RARB: variants seen among roughly 807,000 people sequenced by gnomAD.
The protein encoded by RARB is retinoic acid receptor beta, also known as HBV-activated protein.
In RARB, 17 loss-of-function variants were observed where a neutral mutation model predicts 51.9. That is an observed-to-expected ratio of 0.33 (90% CI 0.22 to 0.49). The LOEUF (loss-of-function observed/expected upper bound fraction) is 0.49. Ranked by LOEUF, RARB falls within the 20% of genes least tolerant of loss-of-function variation. The probability of loss-of-function intolerance (pLI) is 0.99; values close to 1 mark genes in which losing one functional copy is unlikely to be tolerated. For synonymous variants in RARB, 215 were observed against 195.4 expected, an observed-to-expected ratio of 1.10 and a Z score of -0.84; for missense variants, 369 against 550.8, an observed-to-expected ratio of 0.67 and a Z score of 3.30.
At chr3:25,105,868 T>C (rs1254164971) in intron 3 of RARB, among the ~76,000 whole-genome samples, 1 of 152,216 alleles carries the variant, frequency 6.6e-6, no homozygotes, top group Non-Finnish European at 1.5e-5. Flanking sequence ...AATTTTAACA[T>C]CAGAGGAAAA....
chr3:25,161,116 G>T (rs1423377554), intron 4 of RARB, among the ~76,000 whole-genome samples: 1 of 151,836 alleles, frequency 6.6e-6, no homozygotes, highest in Non-Finnish European at 1.5e-5. Flanking sequence ...GGGTTCAAGC[G>T]ATTCTCCTGC....
At chr3:25,027,304 A>G (rs1419675967) in intron 2 of RARB, among the ~76,000 whole-genome samples, 1 of 152,162 alleles carries the variant, frequency 6.6e-6, no homozygotes, top group African/African-American at 2.4e-5. Flanking sequence ...AGGAAGAGTG[A>G]GTCCTGGGGT....
chr3:25,201,208 C>G (rs997922905), intron 5 of RARB, among the ~76,000 whole-genome samples: 1 of 152,040 alleles, frequency 6.6e-6, no homozygotes, highest in Admixed American at 6.6e-5. Context: ...AATGGGAGTT[C>G]ACTCGTGATT....
At chr3:24,987,218 C>T (rs1458449595) in intron 2 of RARB, among the ~76,000 whole-genome samples, 1 of 149,670 alleles carries the variant, frequency 6.7e-6, no homozygotes, top group Non-Finnish European at 1.5e-5. Flanking sequence ...TTTCTTTGGG[C>T]TTCAATCTGT....
At chr3:25,260,854 C>A (rs1300849814) in intron 5 of RARB, among the ~76,000 whole-genome samples, 2 of 152,056 alleles carry the variant, frequency 1.3e-5, no homozygotes, top group Non-Finnish European at 2.9e-5. Context: ...AGTATGGTGG[C>A]AGAACGTACT....
At chr3:25,411,825 A>G (rs182328673) in intron 5 of RARB, among the ~76,000 whole-genome samples, 14 of 152,274 alleles carry the variant, frequency 9.2e-5, no homozygotes, top group Admixed American at 3.3e-4. Context: ...GTCCCAGACT[A>G]CCCAACTTCC....
upstream of RARB, among the ~76,000 whole-genome samples, chr3:25,425,320 T>C (rs917745262): frequency 2.0e-5 from 3 of 152,226 alleles, no homozygotes; most frequent in Admixed American, 1.3e-4. Context: ...TCCTTCATTT[T>C]ACTTAAAATG....
At chr3:25,424,328 C>T (rs1193357661), upstream of RARB, among the ~76,000 whole-genome samples, 1 of 152,164 alleles carries the variant, frequency 6.6e-6, no homozygotes, top group Non-Finnish European at 1.5e-5. Flanking sequence ...TGAAGGGCCA[C>T]AAGCAAAGTT....
At chr3:25,070,642 A>G (rs967026143) in intron 3 of RARB, among the ~76,000 whole-genome samples, 2 of 152,242 alleles carry the variant, frequency 1.3e-5, no homozygotes, top group Non-Finnish European at 2.9e-5. Context: ...TATATAGCAT[A>G]GGAATATTTG....
intron 5 of RARB, among the ~76,000 whole-genome samples, chr3:25,340,407 AT>A (rs1258128730): frequency 6.6e-6 from 1 of 152,140 alleles, no homozygotes; most frequent in Non-Finnish European, 1.5e-5. Context: ...TTTCTTTAAA[AT>A]TTTGAGTCCA....
At chr3:24,900,729 C>A (rs895439994) in intron 2 of RARB, among the ~76,000 whole-genome samples, 1 of 152,142 alleles carries the variant, frequency 6.6e-6, no homozygotes, top group Non-Finnish European at 1.5e-5. Context: ...TTAGGCACAA[C>A]TTTACTTCTT....
In RARB at chr3:25,458,726, G is replaced by C. The variant is rs557567857; in HGVS notation, c.158-2467G>C. 2.3e-4 allele frequency among the ~76,000 whole-genome samples: 35 copies of C among 152,184 alleles called. No individual in the cohort carries two copies. In the Middle Eastern group the frequency reaches 0.02, roughly 89 times the overall value. On this transcript the variant is annotated intron_variant, in intron 1 of 7. Transcript: ENST00000330688. Reference sequence around the variant, plus strand: ...AAGACTATAATAGATTTATCTACTAGGACCTGTACTACTCAAATGAATTCA... The same window carrying C: ...AAGACTATAATAGATTTATCTACTACGACCTGTACTACTCAAATGAATTCA...
chr3:25,328,473 T>A (rs915909891), intron 5 of RARB, among the ~76,000 whole-genome samples: 4 of 152,216 alleles, frequency 2.6e-5, no homozygotes, highest in African/African-American at 9.6e-5. Flanking sequence ...TGAGCTGAGA[T>A]CATGCCACTG....
intron 2 of RARB, among the ~76,000 whole-genome samples, chr3:25,001,710 C>G (rs1400383253): frequency 6.6e-6 from 1 of 152,162 alleles, no homozygotes; most frequent in African/African-American, 2.4e-5. Context: ...AAATATTGTT[C>G]CATCCCATCT....
chr3:25,286,234 G>A (rs1473557690), intron 5 of RARB, among the ~76,000 whole-genome samples: 13 of 151,756 alleles, frequency 8.6e-5, no homozygotes, highest in South Asian at 2.1e-4. Flanking sequence ...GACTACAGGC[G>A]CCCGCCACCA....
chr3:25,503,434 G>C (rs901532177), intron 3 of RARB, among the ~76,000 whole-genome samples: 7 of 152,108 alleles, frequency 4.6e-5, no homozygotes, highest in African/African-American at 1.7e-4. Context: ...ATTATTTTGT[G>C]TGGGCTGGAG....
intron 1 of RARB, among the ~76,000 whole-genome samples, chr3:25,436,844 G>C (rs1708456202): frequency 6.6e-6 from 1 of 152,128 alleles, no homozygotes. Context: ...GGTCCTCTCA[G>C]AATTACCCTT....
chr3:25,263,389 A>G (rs1295704566), intron 5 of RARB, among the ~76,000 whole-genome samples: 2 of 152,170 alleles, frequency 1.3e-5, no homozygotes, highest in African/African-American at 4.8e-5. Flanking sequence ...ACAGCTTAGT[A>G]TACAGTAACT....
chr3:24,962,347 A>G (rs571979393), intron 2 of RARB, among the ~76,000 whole-genome samples: 48 of 152,234 alleles, frequency 3.2e-4, no homozygotes, highest in Non-Finnish European at 4.7e-4. Context: ...GCCTTGTAGG[A>G]TATTTAGTAA....
Sources: gnomAD v4.1 joint callset for allele counts (sites outside exome capture counted in the v4.1 genomes callset) on GRCh38, gnomAD v4.1.1 for gene constraint, MANE v1.5 for transcripts, NCBI Gene and HGNC (gene_info 2026-07-23, HGNC 2026-07-21) for gene names.